Variants in CRACD observed in about 807,000 individuals in gnomAD.
CRACD encodes the protein capping protein inhibiting regulator of actin dynamics, also known as capping protein-inhibiting regulator of actin dynamics.
In CRACD, 56 loss-of-function variants were observed where a neutral mutation model predicts 106.8. The observed-to-expected ratio is 0.52, with a 90% CI of 0.42 to 0.66. CRACD has a LOEUF of 0.66. Ranked by LOEUF, CRACD falls within the 30% of genes least tolerant of loss-of-function variation. The pLI, the probability that CRACD is intolerant of heterozygous loss-of-function variation, is 0.00. For missense variants in CRACD, 1,730 were observed against 1,623.2 expected, an observed-to-expected ratio of 1.07 and a Z score of -1.13; for synonymous variants, 754 against 670.8, an observed-to-expected ratio of 1.12 and a Z score of -1.92.
chr4:56,161,614 T>C (rs73152961), intron 1 of CRACD, among the ~76,000 whole-genome samples: 8,897 of 151,970 alleles, frequency 0.059, 451 homozygotes, highest in African/African-American at 0.12. Context: ...ACAACTACCC[T>C]ACACTCTGCT....
chr4:56,240,517 T>G (rs1384138793), intron 2 of CRACD, among the ~76,000 whole-genome samples: 1 of 152,182 alleles, frequency 6.6e-6, no homozygotes, highest in African/African-American at 2.4e-5. Context: ...CCTTTTCTTT[T>G]TCTTAAATTC....
intron 2 of CRACD, among the ~76,000 whole-genome samples, chr4:56,253,993 C>T (rs1015876181): frequency 6.6e-6 from 1 of 152,156 alleles, no homozygotes; most frequent in Non-Finnish European, 1.5e-5. Flanking sequence ...AATCATTGAC[C>T]CTTCGAATCT....
intron 2 of CRACD, among the ~76,000 whole-genome samples, chr4:56,240,854 ACTTATT>A (rs1265448177): frequency 1.3e-5 from 2 of 152,144 alleles, no homozygotes; most frequent in Admixed American, 6.5e-5. Flanking sequence ...TATTTCAGAA[ACTTATT>A]CTTATGTGTC....
At chr4:56,160,844 C>G (rs547335346) in intron 1 of CRACD, among the ~76,000 whole-genome samples, 5 of 152,222 alleles carry the variant, frequency 3.3e-5, no homozygotes, top group African/African-American at 4.8e-5. Context: ...CTCCTTGTCC[C>G]CTGGACTCCT....
chr4:56,060,726 T>C (rs892113649), intron 1 of CRACD, among the ~76,000 whole-genome samples: 1 of 152,054 alleles, frequency 6.6e-6, no homozygotes, highest in Non-Finnish European at 1.5e-5. Flanking sequence ...AAGGTGATGG[T>C]ATTAGGAAGT....
At chr4:56,111,321 A>C (rs779156556) in intron 1 of CRACD, among the ~76,000 whole-genome samples, 1 of 152,044 alleles carries the variant, frequency 6.6e-6, no homozygotes, top group Non-Finnish European at 1.5e-5. Flanking sequence ...GTTGAAAGAA[A>C]CAACTAAAAG....
intron 1 of CRACD, among the ~76,000 whole-genome samples, chr4:56,102,235 A>G (rs1733795315): frequency 6.6e-6 from 1 of 152,076 alleles, no homozygotes; most frequent in South Asian, 2.1e-4. Flanking sequence ...TATCCTTGCC[A>G]GCAATGATTT....
At chr4:56,274,435 G>C (rs1742556220) in intron 3 of CRACD, among the ~76,000 whole-genome samples, 2 of 146,796 alleles carry the variant, frequency 1.4e-5, no homozygotes, top group South Asian at 4.3e-4. Flanking sequence ...GTTTTGCCAA[G>C]TCTGATTTCA....
chr4:56,201,574 G>A (rs1018812983), intron 2 of CRACD, among the ~76,000 whole-genome samples: 37 of 152,042 alleles, frequency 2.4e-4, no homozygotes, highest in African/African-American at 8.5e-4. Flanking sequence ...GAAAATAGAC[G>A]GTGGGTATGA....
At chr4:56,132,228 T>G (rs1734847225) in intron 1 of CRACD, among the ~76,000 whole-genome samples, 1 of 152,106 alleles carries the variant, frequency 6.6e-6, no homozygotes. Context: ...TTAGTAGAGA[T>G]GGGGTTTCAC....
chr4:56,289,705 C>T (rs1428440034), intron 3 of CRACD, among the ~76,000 whole-genome samples: 1 of 142,554 alleles, frequency 7.0e-6, no homozygotes, highest in Non-Finnish European at 1.5e-5. Flanking sequence ...AAAAAAAAAA[C>T]AAAGTAAAAC....
Position 56,316,495 on chromosome 4 carries a change from C to T in CRACD, c.2993C>T (p.Pro998Leu). 6.2e-7 allele frequency: 1 copy of T among 1,613,826 alleles called. No homozygotes were observed. The highest frequency in any genetic ancestry group is 1.7e-5 in the Admixed American group (1 of 60,010). The change falls in exon 8 of 11, where the codon CCA becomes CTA. Residue 998 changes from proline to leucine, a missense_variant. By Grantham distance (98) the Pro-to-Leu change is moderately conservative. Transcript: ENST00000682029. The part of the protein sequence containing the change: ...LLSRRAGRPD[P>L]EPSEPSKEDQ... Reference sequence around the variant, plus strand: ...TCTCGCCGAGCGGGGAGGCCGGACCCAGAGCCAAGTGAGCCGTCCAAGGAG... The same window carrying T: ...TCTCGCCGAGCGGGGAGGCCGGACCTAGAGCCAAGTGAGCCGTCCAAGGAG...
intron 2 of CRACD, among the ~76,000 whole-genome samples, chr4:56,232,424 A>G (rs562362831): frequency 6.6e-6 from 1 of 152,014 alleles, no homozygotes; most frequent in East Asian, 1.9e-4. Context: ...ATTGTTTCCT[A>G]TGTGGAGCTT....
chr4:56,205,771 C>G (rs1217263294), intron 2 of CRACD, among the ~76,000 whole-genome samples: 1 of 152,130 alleles, frequency 6.6e-6, no homozygotes, highest in South Asian at 2.1e-4. Flanking sequence ...ATCTACCATG[C>G]CTAGCTGAAA....
intron 3 of CRACD, among the ~76,000 whole-genome samples, chr4:56,278,130 C>A (rs1486691544): frequency 6.6e-6 from 1 of 152,042 alleles, no homozygotes; most frequent in Non-Finnish European, 1.5e-5. Flanking sequence ...TCCTAGCTGT[C>A]TTTTTTCCCC....
intron 5 of CRACD, among the ~76,000 whole-genome samples, chr4:56,309,947 A>G (rs1432214762): frequency 6.6e-6 from 1 of 151,166 alleles, no homozygotes; most frequent in East Asian, 2.0e-4. Context: ...TGAGCCCAGG[A>G]GTTCTAGGCT....
intron 2 of CRACD, among the ~76,000 whole-genome samples, chr4:56,192,259 G>A (rs1737406441): frequency 6.6e-6 from 1 of 152,088 alleles, no homozygotes; most frequent in Non-Finnish European, 1.5e-5. Context: ...GAGCATGGTG[G>A]TGCACACCTG....
At chr4:56,228,607 CAAAAAAAA>C (rs35810086) in intron 2 of CRACD, among the ~76,000 whole-genome samples, 1 of 101,546 alleles carries the variant, frequency 9.8e-6, no homozygotes, top group Non-Finnish European at 2.0e-5. Context: ...CCATCTCTAC[CAAAAAAAA>C]AAAAAAAAAA....
rs554649724 is a variant in CRACD, at chr4:56,052,501, A to T, written c.-336+3202A>T. On this transcript the variant is annotated intron_variant, in intron 1 of 10. Transcript: ENST00000682029. ...TTTCTTCAAATGGTTTACAACATCA[A>T]TTGGAGTTTGAATACTAAATTACAT... Among the ~76,000 whole-genome samples the T allele has an allele frequency of 2.0e-5, 3 of 152,212 alleles. No homozygotes were observed. In the East Asian group the frequency reaches 5.8e-4, roughly 29 times the overall value.
Sources: gnomAD v4.1 joint callset for allele counts (sites outside exome capture counted in the v4.1 genomes callset) on GRCh38, gnomAD v4.1.1 for gene constraint, MANE v1.5 for transcripts, NCBI Gene and HGNC (gene_info 2026-07-23, HGNC 2026-07-21) for gene names.